The following SCRN3 variants were observed in gnomAD, a reference collection of about 807,000 sequenced individuals.
SCRN3 encodes the protein secernin 3.
Under a neutral mutation model 43.1 loss-of-function variants are expected in SCRN3, and 39 were observed. The ratio of observed to expected loss-of-function variants is 0.91; its 90% CI spans 0.70 to 1.18. The LOEUF is 1.18. Among genes scored for constraint, SCRN3 ranks in the 50% most tolerant of loss-of-function variants. The probability of loss-of-function intolerance (pLI) is 0.00; values close to 1 mark genes in which losing one functional copy is unlikely to be tolerated. For missense variants in SCRN3, 484 were observed against 498.0 expected, an observed-to-expected ratio of 0.97 and a Z score of 0.27; for synonymous variants, 147 against 163.1, an observed-to-expected ratio of 0.90 and a Z score of 0.75.
intron 5 of SCRN3, among the ~76,000 whole-genome samples, chr2:174,406,821 G>A (rs75110589): frequency 0.033 from 3,680 of 112,516 alleles, 18 homozygotes; most frequent in Middle Eastern, 0.13. Flanking sequence ...ACTTGATCAT[G>A]GTGGATAAGC....
intron 7 of SCRN3, among the ~76,000 whole-genome samples, chr2:174,426,343 A>C (rs1321626021): frequency 6.6e-6 from 1 of 152,230 alleles, no homozygotes; most frequent in African/African-American, 2.4e-5. Flanking sequence ...ATTTATAGAC[A>C]AAATCCATTT....
intron 5 of SCRN3, among the ~76,000 whole-genome samples, chr2:174,420,438 A>G (rs1003525634): frequency 2.6e-5 from 4 of 152,242 alleles, no homozygotes; most frequent in Non-Finnish European, 4.4e-5. Flanking sequence ...ATTTCATTCA[A>G]TGGAAAGTAT....
At chr2:174,411,475 TCTG>T (rs1055418881) in intron 5 of SCRN3, among the ~76,000 whole-genome samples, 1 of 152,220 alleles carries the variant, frequency 6.6e-6, no homozygotes, top group Non-Finnish European at 1.5e-5. Flanking sequence ...CATGATTTAA[TCTG>T]CTGTTAATCT....
In SCRN3 at chr2:174,395,754, C is replaced by T. The variant is rs1166777042; in HGVS notation, c.-73C>T. On this transcript the variant is annotated 5_prime_UTR_variant, in exon 1 of 8. Transcript: ENST00000272732. ...GATCAAAGGTGACAGCTTCCGGCAACTGATGCCTCCACTGGCCACTCCTCC... is the reference window on the plus strand; with the variant it reads ...GATCAAAGGTGACAGCTTCCGGCAATTGATGCCTCCACTGGCCACTCCTCC... 2 of 1,591,032 alleles carry T rather than the reference C, an allele frequency of 1.3e-6. No homozygotes were observed. Among genetic ancestry groups the T allele is most frequent in the Non-Finnish European group, 1.7e-6 (2 of 1,167,828 alleles).
chr2:174,395,771 C>A lies in SCRN3; in HGVS notation c.-56C>A. ...TCCGGCAACTGATGCCTCCACTGGC[C>A]ACTCCTCCCTCCGTCCACCTGTCAC... On this transcript the variant is annotated 5_prime_UTR_variant, in exon 1 of 8. Coordinates refer to ENST00000272732, the MANE Select transcript of SCRN3 (RefSeq NM_024583.5). The A allele has an allele frequency of 1.3e-6, 2 of 1,576,984 alleles. No individual in the cohort carries two copies. The highest frequency in any genetic ancestry group is 1.7e-6 in the Non-Finnish European group (2 of 1,160,406).
At chr2:174,423,660 A>G (rs1053985314) in intron 6 of SCRN3, among the ~76,000 whole-genome samples, 6 of 151,826 alleles carry the variant, frequency 4.0e-5, no homozygotes, top group Admixed American at 2.0e-4. Flanking sequence ...TAGTAGAGAC[A>G]GGGTTTCACT....
Position 174,398,401 on chromosome 2 carries a change from T to C in SCRN3, c.118T>C (p.Phe40Leu), listed in dbSNP as rs770708191. The change falls in exon 2 of 8, where the codon TTT (phenylalanine) becomes CTT (leucine). Residue 40 changes from phenylalanine to leucine, a missense_variant. Phe to Leu is a conservative substitution (Grantham distance 22, BLOSUM62 0). Coordinates refer to ENST00000272732, the MANE Select transcript of SCRN3 (RefSeq NM_024583.5). ...LYDEVQEVVY[F>L]PAVVHDNLGE... ...TGATGAAGTACAAGAGGTGGTTTAT[T>C]TTCCTGCTGTAGTTCATGATAACCT... is the stretch of plus-strand genomic sequence containing the variant. The C allele has an allele frequency of 1.2e-6, 2 of 1,604,438 alleles. No individual in the cohort carries two copies. Among genetic ancestry groups the C allele is most frequent in the Non-Finnish European group, 1.7e-6 (2 of 1,177,252 alleles).
intron 5 of SCRN3, chr2:174,410,557 G>T (rs1400973924): frequency 2.0e-5 from 3 of 152,200 alleles, no homozygotes; most frequent in Admixed American, 2.0e-4. Context: ...GTCAAGTTCA[G>T]ATTTTCAATG....
At chr2:174,417,446 TGCAGTA>T (rs1485571824) in intron 5 of SCRN3, among the ~76,000 whole-genome samples, 2 of 152,196 alleles carry the variant, frequency 1.3e-5, no homozygotes, top group Admixed American at 6.5e-5. Flanking sequence ...TGGGCTGGAA[TGCAGTA>T]GCATGATCTC....
In SCRN3 at chr2:174,427,889, T is replaced by C; in HGVS notation, c.1269T>C (p.Ser423=). 1 of 1,562,278 alleles carries C rather than the reference T, an allele frequency of 6.4e-7. No individual in the cohort carries two copies. The highest frequency in any genetic ancestry group is 8.8e-7 in the Non-Finnish European group (1 of 1,134,778). The change falls in exon 8 of 8, where the codon AGT becomes AGC. Residue 423 remains serine (S), a synonymous_variant. Coordinates refer to ENST00000272732, the MANE Select transcript of SCRN3 (RefSeq NM_024583.5). ...AGTCAAATTTATCAGTCAAAGTTAG[T>C]TCTTAGTGATCATATGGTCAGCTAA... is the stretch of plus-strand genomic sequence containing the variant. The part of the protein sequence containing the change: ...IYQSNLSVKV[S]S
Position 174,400,056 on chromosome 2 carries a change from A to G in SCRN3, c.294A>G (p.Arg98=). Residue 98 remains arginine, a synonymous_variant, in exon 3 of 8, where the codon AGA becomes AGG. Transcript: ENST00000272732. ...VCIGNEAVWG[R]EEVCDEEALL... ...TTGGGAATGAAGCTGTATGGGGAAG[A>G]GAAGAAGTTTGTGATGAAGAAGCAC... The G allele has an allele frequency of 6.3e-7, 1 of 1,597,214 alleles. No individual in the cohort carries two copies.
chr2:174,418,659 T>C (rs1686194947), intron 5 of SCRN3, among the ~76,000 whole-genome samples: 1 of 152,212 alleles, frequency 6.6e-6, no homozygotes, highest in African/African-American at 2.4e-5. Flanking sequence ...AATACCTGTA[T>C]TATCACAGTA....
chr2:174,409,336 T>C (rs1685815342), intron 5 of SCRN3, among the ~76,000 whole-genome samples: 1 of 145,944 alleles, frequency 6.9e-6, no homozygotes, highest in South Asian at 2.2e-4. Context: ...TTCTCTGTAT[T>C]GGTTATTCTA....
intron 5 of SCRN3, among the ~76,000 whole-genome samples, chr2:174,421,657 C>T (rs926306246): frequency 1.2e-4 from 18 of 152,200 alleles, no homozygotes; most frequent in African/African-American, 4.3e-4. Context: ...TCCTTCTCTA[C>T]TAAACTCAGA....
At chr2:174,396,937 C>A (rs1685341732) in intron 1 of SCRN3, 4 of 268,068 alleles carry the variant, frequency 1.5e-5, no homozygotes, top group South Asian at 1.4e-4. Context: ...TTATTAAGTT[C>A]TCATAACAGC....
intron 5 of SCRN3, among the ~76,000 whole-genome samples, chr2:174,414,761 T>C (rs1686043760): frequency 1.0e-5 from 1 of 98,992 alleles, no homozygotes; most frequent in South Asian, 3.2e-4. Context: ...TTCTTTTCTA[T>C]TTTCTTTTTT....
chr2:174,411,716 G>A (rs1685923222), intron 5 of SCRN3, among the ~76,000 whole-genome samples: 1 of 152,144 alleles, frequency 6.6e-6, no homozygotes, highest in African/African-American at 2.4e-5. Flanking sequence ...GAGGTCAGGA[G>A]TTCGAGACCA....
At chr2:174,412,950 C>G (rs1247116610) in intron 5 of SCRN3, among the ~76,000 whole-genome samples, 1 of 148,752 alleles carries the variant, frequency 6.7e-6, no homozygotes, top group East Asian at 2.0e-4. Flanking sequence ...TCACCACAAC[C>G]TCTGCCTCCC....
In SCRN3 at chr2:174,424,676, A is replaced by G. The variant is rs756086509; in HGVS notation, c.1092+27A>G. The G allele has an allele frequency of 3.9e-6, 6 of 1,551,892 alleles. No individual in the cohort carries two copies. The Admixed American group carries it at 8.7e-5, about 23-fold the overall frequency. ...TATGCTAGATTATATTCTTTGTTAT[A>G]TCATTAAGTGTAAAGTTAGATTCAA... On this transcript the variant is annotated intron_variant, in intron 7 of 7. Coordinates refer to ENST00000272732, the MANE Select transcript of SCRN3 (RefSeq NM_024583.5).
Sources: gnomAD v4.1 joint callset for allele counts (sites outside exome capture counted in the v4.1 genomes callset) on GRCh38, gnomAD v4.1.1 for gene constraint, MANE v1.5 for transcripts, NCBI Gene and HGNC (gene_info 2026-07-23, HGNC 2026-07-21) for gene names.